The following SPNS3 variants were observed in gnomAD, a reference collection of about 807,000 sequenced individuals.
SPNS3 encodes the protein SPNS lysolipid transporter 3, sphingosine-1-phosphate (putative), also known as protein spinster homolog 3.
Under a neutral mutation model 54.4 loss-of-function variants are expected in SPNS3, and 51 were observed. That is an observed-to-expected ratio of 0.94 (90% CI 0.75 to 1.18). SPNS3 has a LOEUF of 1.18. SPNS3 is among the 50% of genes most tolerant of loss of function. SPNS3 has a pLI of 0.00. For synonymous variants in SPNS3, 309 were observed against 294.7 expected (o/e 1.05, Z -0.50); for missense variants, 669 against 677.4 (o/e 0.99, Z 0.14).
At chr17:4,450,684 C>T (rs1971139425) in intron 7 of SPNS3, among the ~76,000 whole-genome samples, 1 of 152,038 alleles carries the variant, frequency 6.6e-6, no homozygotes, top group African/African-American at 2.4e-5. Context: ...GCAGTTTCCA[C>T]CTCCCAGGTT....
chr17:4,470,099 T>C (rs1289139354), intron 8 of SPNS3, among the ~76,000 whole-genome samples: 1 of 152,120 alleles, frequency 6.6e-6, no homozygotes, highest in Non-Finnish European at 1.5e-5. Flanking sequence ...GGTTATATAG[T>C]AGTGCAATTT....
chr17:4,455,517 C>T (rs1971286360), intron 8 of SPNS3, among the ~76,000 whole-genome samples: 1 of 152,136 alleles, frequency 6.6e-6, no homozygotes, highest in African/African-American at 2.4e-5. Flanking sequence ...TTTTGCTTTG[C>T]CCAATTCCTT....
rs780147553 is a variant in SPNS3 at position 4,453,186 on chromosome 17, C to T, written c.1094C>T (p.Thr365Ile). 3 of 1,613,228 alleles carry T rather than the reference C, an allele frequency of 1.9e-6. No individual in the cohort carries two copies. The highest frequency in any genetic ancestry group is 2.5e-6 in the Non-Finnish European group (3 of 1,179,778). ...TACCTGGCTCTCGTCCTGGCCCCGACCACCCTGCTGGCCTCCTATGTAAGT... is the reference window on the plus strand; with the variant it reads ...TACCTGGCTCTCGTCCTGGCCCCGATCACCCTGCTGGCCTCCTATGTAAGT... The part of the protein sequence containing the change: ...CLYLALVLAP[T>I]TLLASYVFLG... Residue 365 changes from threonine to isoleucine, a missense_variant, in exon 8 of 12, where the codon ACC becomes ATC. By Grantham distance (89) the Thr-to-Ile change is moderately conservative. Transcript: ENST00000355530.
chr17:4,450,153 A>T (rs1329168604), intron 7 of SPNS3, among the ~76,000 whole-genome samples: 1 of 149,848 alleles, frequency 6.7e-6, no homozygotes, highest in African/African-American at 2.5e-5. Context: ...GCTCCTGGGG[A>T]TGCTATCTTC....
At chr17:4,450,446 A>G (rs998189542) in intron 7 of SPNS3, among the ~76,000 whole-genome samples, 3 of 135,508 alleles carry the variant, frequency 2.2e-5, no homozygotes, top group African/African-American at 8.4e-5. Context: ...TCAAGGTCTC[A>G]CTCTGTCACC....
chr17:4,446,651 G>C (rs1273580899), intron 4 of SPNS3: 1 of 588,732 alleles, frequency 1.7e-6, no homozygotes, highest in African/African-American at 1.9e-5. Context: ...TGTAGGGTAT[G>C]TGTTTCCATA....
chr17:4,467,810 C>T (rs898550189), intron 8 of SPNS3, among the ~76,000 whole-genome samples: 3 of 152,180 alleles, frequency 2.0e-5, no homozygotes, highest in Non-Finnish European at 4.4e-5. Context: ...GGATTACAGG[C>T]ACCTGCCACC....
Position 4,433,972 on chromosome 17 carries a change from C to T in SPNS3, c.5C>T (p.Ala2Val), listed in dbSNP as rs189761031. ...GGCCAAGAGCTGCAGGCTGGCATGGCTGGGGGGATGTCAGCGGAGTGCCCT... is the reference window on the plus strand; with the variant it reads ...GGCCAAGAGCTGCAGGCTGGCATGGTTGGGGGGATGTCAGCGGAGTGCCCT... M[A>V]GGMSAECPEP... Residue 2 changes from alanine to valine, a missense_variant, in exon 1 of 12, where the codon GCT becomes GTT. Physicochemically the swap from Ala to Val is moderately conservative, Grantham distance 64. Transcript: ENST00000355530. 6.7e-4 allele frequency: 1,028 copies of T among 1,535,562 alleles called. 16 individuals are homozygous for T. The East Asian group carries it at 0.015, about 22-fold the overall frequency.
intron 2 of SPNS3, among the ~76,000 whole-genome samples, chr17:4,441,802 G>T (rs1209756114): frequency 2.0e-5 from 3 of 151,008 alleles, no homozygotes; most frequent in Admixed American, 6.6e-5. Context: ...GGTGTGTTGG[G>T]GGGGGTCTCA....
intron 1 of SPNS3, among the ~76,000 whole-genome samples, chr17:4,436,984 C>T (rs150056304): frequency 6.6e-6 from 1 of 152,184 alleles, no homozygotes; most frequent in African/African-American, 2.4e-5. Context: ...CCTGGCTGGG[C>T]CCTAAGACCC....
At chr17:4,461,638 C>T (rs568573648) in intron 8 of SPNS3, among the ~76,000 whole-genome samples, 3 of 151,790 alleles carry the variant, frequency 2.0e-5, no homozygotes, top group South Asian at 2.1e-4. Context: ...GCAACAATGG[C>T]GATTGTGAGA....
intron 1 of SPNS3, among the ~76,000 whole-genome samples, chr17:4,437,602 G>T (rs933764253): frequency 3.3e-5 from 5 of 151,884 alleles, no homozygotes; most frequent in African/African-American, 1.2e-4. Flanking sequence ...AGGAGGCAGA[G>T]GTTGCAGTGA....
At chr17:4,459,699 C>T (rs775912838) in intron 8 of SPNS3, among the ~76,000 whole-genome samples, 4 of 152,000 alleles carry the variant, frequency 2.6e-5, no homozygotes, top group Non-Finnish European at 2.9e-5. Flanking sequence ...GGCGACAGAG[C>T]GAGACTCCAT....
chr17:4,455,837 G>A (rs1022623615), intron 8 of SPNS3, among the ~76,000 whole-genome samples: 2 of 152,180 alleles, frequency 1.3e-5, no homozygotes, highest in African/African-American at 2.4e-5. Flanking sequence ...AGGCTGTCCT[G>A]GTATAGGAGG....
Position 4,453,025 on chromosome 17 carries a change from T to TG in SPNS3, c.937dup (p.Ala313GlyfsTer29), listed in dbSNP as rs751349139. The TG allele has an allele frequency of 1.7e-5, 27 of 1,613,304 alleles. No individual in the cohort carries two copies. The highest frequency in any genetic ancestry group is 2.3e-5 in the Non-Finnish European group (27 of 1,179,538). On this transcript the variant is annotated frameshift_variant, in exon 8 of 12. Transcript: ENST00000355530. LOFTEE classifies it high-confidence loss of function. ...TGCTCTTCCCCATCAGCCTGATTTT[T>TG]GGGGCACTGACCATCATGACCGGCG...
rs748933876 is a variant in SPNS3 at position 4,446,107 on chromosome 17, C to T, written c.462C>T (p.Ser154=). The part of the protein sequence containing the change: ...GIVGTGSASY[S]TIAPTVLGDL... The stretch of plus-strand genomic sequence containing the variant: ...TGGGCACTGGCTCGGCCAGCTACTC[C>T]ACCATCGCGCCCACCGTCCTGGGCG... Residue 154 remains serine, a synonymous_variant, in exon 4 of 12, where the codon TCC becomes TCT. Coordinates refer to ENST00000355530, the MANE Select transcript of SPNS3 (RefSeq NM_182538.5). The T allele has an allele frequency of 3.7e-6, 6 of 1,613,258 alleles. No individual in the cohort carries two copies. The highest frequency in any genetic ancestry group is 5.1e-6 in the Non-Finnish European group (6 of 1,179,502).
At chr17:4,452,706 A>G (rs940869224) in intron 7 of SPNS3, among the ~76,000 whole-genome samples, 10 of 151,938 alleles carry the variant, frequency 6.6e-5, no homozygotes, top group African/African-American at 1.7e-4. Flanking sequence ...GTAAGGGTCA[A>G]TGGAGATGAG....
At chr17:4,439,212 C>T (rs1165035120) in intron 1 of SPNS3, among the ~76,000 whole-genome samples, 22 of 151,974 alleles carry the variant, frequency 1.4e-4, no homozygotes, top group Non-Finnish European at 2.4e-4. Flanking sequence ...CAACCTCCAC[C>T]TCCCAGGCTC....
At chr17:4,455,210 A>G (rs1445368745) in intron 8 of SPNS3, among the ~76,000 whole-genome samples, 2 of 152,156 alleles carry the variant, frequency 1.3e-5, no homozygotes, top group African/African-American at 4.8e-5. Flanking sequence ...CATCACGCCC[A>G]GCCCCAAACA....
Sources: allele counts gnomAD v4.1 joint callset (sites outside exome capture counted in the v4.1 genomes callset), GRCh38; gene constraint gnomAD v4.1.1; transcripts MANE v1.5; gene names NCBI Gene and HGNC (gene_info 2026-07-23, HGNC 2026-07-21).